The following ZNF341 variants were observed in gnomAD, a reference collection of about 807,000 sequenced individuals.
ZNF341 encodes zinc finger protein 341.
In ZNF341, 52 loss-of-function variants were observed where a neutral mutation model predicts 87.7. The observed-to-expected ratio is 0.59, with a 90% CI of 0.47 to 0.75. The LOEUF (loss-of-function observed/expected upper bound fraction) is 0.75, where lower values mean the gene tolerates loss of function less well. ZNF341 is among the 30% of genes least tolerant of loss of function. ZNF341 has a pLI of 0.00. For synonymous variants in ZNF341, 459 were observed against 472.7 expected (o/e 0.97, Z 0.38); for missense variants, 977 against 1,145.9 (o/e 0.85, Z 2.13).
At chr20:33,745,785 A>T (rs569378194) in intron 3 of ZNF341, among the ~76,000 whole-genome samples, 256 of 152,038 alleles carry the variant, frequency 1.7e-3, no homozygotes, top group South Asian at 5.4e-3. Context: ...GGATCAGCAG[A>T]TGCAGAGGCC....
intron 10 of ZNF341, among the ~76,000 whole-genome samples, chr20:33,771,309 G>T (rs116479827): frequency 0.017 from 2,550 of 151,968 alleles, 78 homozygotes; most frequent in African/African-American, 0.058. Flanking sequence ...GGAGTCCAGT[G>T]GCACCATCAC....
At chr20:33,739,599 C>A (rs2018760380) in intron 1 of ZNF341, among the ~76,000 whole-genome samples, 2 of 152,172 alleles carry the variant, frequency 1.3e-5, no homozygotes, top group South Asian at 4.1e-4. Flanking sequence ...AAGATAGACA[C>A]ACATTGAGAA....
Position 33,791,330 on chromosome 20 carries a change from C to T in ZNF341, c.2378C>T (p.Pro793Leu), listed in dbSNP as rs1424732314. 5 of 1,611,838 alleles carry T rather than the reference C, an allele frequency of 3.1e-6. No individual in the cohort carries two copies. Among genetic ancestry groups the T allele is most frequent in the Non-Finnish European group, 4.2e-6 (5 of 1,179,470 alleles). ...LVPEAVPGKPPFAEPDAVLSI... is the reference protein window; with the variant it reads ...LVPEAVPGKPLFAEPDAVLSI... The stretch of plus-strand genomic sequence containing the variant: ...CCCGAGGCTGTCCCCGGCAAGCCGC[C>T]CTTCGCAGAGCCGGACGCGGTGCTG... The change falls in exon 15 of 15, where the codon CCC becomes CTC. Residue 793 changes from proline to leucine, a missense_variant. This residue lies in a region of ZNF341 where 221 missense variants were observed against 212.7 expected (regional missense o/e 1.04). Transcript: ENST00000375200.
intron 10 of ZNF341, among the ~76,000 whole-genome samples, chr20:33,774,254 T>C (rs1026113405): frequency 2.6e-5 from 4 of 152,110 alleles, no homozygotes; most frequent in Non-Finnish European, 5.9e-5. Context: ...ATTGTGCCAC[T>C]GCACTCCATC....
chr20:33,751,157 T>C (rs781087782), intron 4 of ZNF341, among the ~76,000 whole-genome samples: 6 of 152,158 alleles, frequency 3.9e-5, no homozygotes, highest in Middle Eastern at 3.2e-3. Flanking sequence ...TGTATAGACA[T>C]GTAGGTCATT....
rs1291813714 is a variant in ZNF341, at chr20:33,761,973, T to C, written c.1140T>C (p.Ser380=). Residue 380 remains serine (S), a synonymous_variant, in exon 8 of 15, where the codon AGT becomes AGC. Coordinates refer to ENST00000375200, the MANE Select transcript of ZNF341 (RefSeq NM_001282933.2). The stretch of plus-strand genomic sequence containing the variant: ...ACAAGGTGTGGCCTCCAGGACACAG[T>C]GGTGGCACCGTGTCTCGAAACTCTG... The part of the protein sequence containing the change: ...QTHKVWPPGH[S]GGTVSRNSVT... 1 of 1,607,868 alleles carries C rather than the reference T, an allele frequency of 6.2e-7. No homozygotes were observed.
intron 12 of ZNF341, among the ~76,000 whole-genome samples, chr20:33,784,708 G>A (rs1029087714): frequency 6.6e-6 from 1 of 151,388 alleles, no homozygotes; most frequent in Non-Finnish European, 1.5e-5. Context: ...TCTGCCTCCC[G>A]GGTTCAAGTG....
At chr20:33,769,963 G>A (rs2019490466) in intron 9 of ZNF341, 121 bp from the exon 10 acceptor site, 7 of 657,950 alleles carry the variant, frequency 1.1e-5, no homozygotes, top group African/African-American at 1.8e-5. Flanking sequence ...GCAGCAGGGG[G>A]GCAGAGGGAG....
In ZNF341 at chr20:33,753,280, C is replaced by G. The variant is rs144632926; in HGVS notation, c.598C>G (p.Pro200Ala). The G allele has an allele frequency of 6.8e-6, 11 of 1,612,210 alleles. No individual in the cohort carries two copies. Among genetic ancestry groups the G allele is most frequent in the African/African-American group, 1.3e-5 (1 of 74,930 alleles). ...GCCACCACCTCAGCCTCCACCACCT[C>G]CACCCCAGAGCCTGGGCCCCCCTGG... ...PPPPPQPPPPPPQSLGPPGRP... is the reference protein window; with the variant it reads ...PPPPPQPPPPAPQSLGPPGRP... Residue 200 changes from proline to alanine, a missense_variant, in exon 5 of 15, where the codon CCA becomes GCA. Pro to Ala is a conservative substitution (Grantham distance 27). Transcript: ENST00000375200.
chr20:33,791,718 AG>A lies in ZNF341; in HGVS notation c.*204del. On this transcript the variant is annotated 3_prime_UTR_variant, in exon 15 of 15. Transcript: ENST00000375200. ...CTGCCGGAAAGCCCTGCAACATTCT[AG>A]GGTTGGGGGCAGGGCCATCCACGGT... The A allele has an allele frequency of 1.7e-6, 1 of 593,448 alleles. No homozygotes were observed. Among genetic ancestry groups the A allele is most frequent in the Non-Finnish European group, 2.8e-6 (1 of 355,064 alleles). 36.8% of individuals were successfully genotyped at this position (593,448 alleles called of 1,614,324 possible). A position where few individuals can be genotyped will look rare whatever the true frequency, so the allele number is the denominator to read the frequency against.
At chr20:33,749,185 T>C in intron 4 of ZNF341, 113 bp downstream of exon 4, 1 of 1,398,384 alleles carries the variant, frequency 7.2e-7, no homozygotes, top group Non-Finnish European at 9.5e-7. Flanking sequence ...TCCCTGATGC[T>C]GAGGGAGGCT....
intron 2 of ZNF341, among the ~76,000 whole-genome samples, 182 bp downstream of exon 2, chr20:33,741,194 G>C (rs569959092): frequency 6.6e-6 from 1 of 152,228 alleles, no homozygotes; most frequent in East Asian, 1.9e-4. Flanking sequence ...TCTCTGCTTA[G>C]CTCTGAGGAC....
rs376580935 is a variant in ZNF341, at chr20:33,791,472, A to C, written c.2520A>C (p.Pro840=). Reference sequence around the variant, plus strand: ...AGCTGCAGGCTGGGGCCGAGGGCCCATGTGCCATGCTCGCTGTGCCCGTCT... The same window carrying C: ...AGCTGCAGGCTGGGGCCGAGGGCCCCTGTGCCATGCTCGCTGTGCCCGTCT... ...LAELQAGAEG[P]CAMLAVPVYI... is the part of the protein sequence containing the mutation. Residue 840 remains proline (P), a synonymous_variant, in exon 15 of 15, where the codon CCA becomes CCC. Coordinates refer to ENST00000375200, the MANE Select transcript of ZNF341 (RefSeq NM_001282933.2). The C allele has an allele frequency of 3.0e-5, 48 of 1,596,844 alleles. No individual in the cohort carries two copies. The African/African-American group carries it at 6.1e-4, about 20-fold the overall frequency.
At chr20:33,772,559 A>C (rs899130828) in intron 10 of ZNF341, among the ~76,000 whole-genome samples, 8 of 152,202 alleles carry the variant, frequency 5.3e-5, no homozygotes, top group Non-Finnish European at 1.0e-4. Context: ...GTATAGAGAT[A>C]CCACAGGGGA....
At chr20:33,769,115 G>A (rs916283572) in intron 9 of ZNF341, among the ~76,000 whole-genome samples, 4 of 152,090 alleles carry the variant, frequency 2.6e-5, no homozygotes, top group East Asian at 1.9e-4. Context: ...AATCAATTAC[G>A]TTGGATTAGT....
At chr20:33,752,583 A>T in intron 4 of ZNF341, 1 of 350,650 alleles carries the variant, frequency 2.9e-6, no homozygotes, top group Non-Finnish European at 5.5e-6. Flanking sequence ...CCTTCTTAAG[A>T]TAGCAACATT....
intron 2 of ZNF341, among the ~76,000 whole-genome samples, chr20:33,743,826 A>G (rs1247189963): frequency 1.3e-5 from 2 of 152,132 alleles, no homozygotes; most frequent in Non-Finnish European, 2.9e-5. Flanking sequence ...CATTCAACAA[A>G]CGTCCATTGA....
Position 33,747,391 on chromosome 20 carries a change from G to A in ZNF341, c.340-1532G>A, listed in dbSNP as rs923296492. On this transcript the variant is annotated intron_variant, in intron 3 of 14. Coordinates refer to ENST00000375200, the MANE Select transcript of ZNF341 (RefSeq NM_001282933.2). ...AGCACTTTGGGAGGCCGAGGCGGGC[G>A]GATCACGAGGTCAGGAGATCGAGAC... is the stretch of plus-strand genomic sequence containing the variant. Among the ~76,000 whole-genome samples the A allele has an allele frequency of 1.3e-4, 17 of 135,962 alleles. 3 individuals carry two copies. The highest frequency in any genetic ancestry group is 5.6e-4 in the African/African-American group (15 of 26,662). The allele number at this position is 135,962 out of a possible 152,430, so 89.2% of individuals were successfully genotyped here.
In ZNF341 at chr20:33,732,734, C is replaced by A. The variant is rs747750163; in HGVS notation, c.31+682C>A. On this transcript the variant is annotated intron_variant, in intron 1 of 14. Coordinates refer to ENST00000375200, the MANE Select transcript of ZNF341 (RefSeq NM_001282933.2). This position sits in a 1 kb window ranked among gnomAD's most constrained non-coding sequence, Gnocchi z 4.5. ...ACCCAGGCCAGCAAACGCTGGGTGCCGACAGACTGTTCCGTGCTCTGCAAG... is the reference window on the plus strand; with the variant it reads ...ACCCAGGCCAGCAAACGCTGGGTGCAGACAGACTGTTCCGTGCTCTGCAAG... Among the ~76,000 whole-genome samples, 6 of 152,212 alleles carry A rather than the reference C, an allele frequency of 3.9e-5. No individual in the cohort carries two copies. The highest frequency in any genetic ancestry group is 8.8e-5 in the Non-Finnish European group (6 of 68,038).
Sources: allele counts gnomAD v4.1 joint callset (sites outside exome capture counted in the v4.1 genomes callset), GRCh38; gene constraint gnomAD v4.1.1; regional missense constraint gnomAD v4.1.1; non-coding constraint Gnocchi (gnomAD v3.1); transcripts MANE v1.5; gene names NCBI Gene and HGNC (gene_info 2026-07-23, HGNC 2026-07-21).